ZNF700: variants seen among roughly 807,000 people sequenced by gnomAD.
ZNF700 encodes zinc finger protein 700.
In ZNF700, 38 loss-of-function variants were observed where a neutral mutation model predicts 65.3. That is an observed-to-expected ratio of 0.58 (90% confidence interval 0.45 to 0.76). The LOEUF (loss-of-function observed/expected upper bound fraction) is 0.76. Among genes scored for constraint, ZNF700 ranks in the 30% least tolerant of loss-of-function variants. The pLI is 0.00. For missense variants in ZNF700, 857 were observed against 888.4 expected (o/e 0.96, Z 0.45); for synonymous variants, 285 against 290.4 (o/e 0.98, Z 0.19).
chr19:11,944,977 C>G (rs2145296429), intron 1 of ZNF700, among the ~76,000 whole-genome samples: 1 of 152,362 alleles, frequency 6.6e-6, no homozygotes, highest in South Asian at 2.1e-4. Flanking sequence ...CTTCCATCAC[C>G]TGTCCTCCCT....
At chr19:11,939,656 C>T (rs1468060465) in intron 1 of ZNF700, among the ~76,000 whole-genome samples, 2 of 152,082 alleles carry the variant, frequency 1.3e-5, no homozygotes, top group African/African-American at 4.8e-5. Context: ...AGATGGAGTT[C>T]CACCACGTTG....
chr19:11,950,164 AATT>A lies in ZNF700; in HGVS notation c.2144_2146del (p.Tyr715del). ...ATGTAAGGAATGCGGAAAAGCATTCAATTATTTTTCTTCCTTGCATATACACGC... is the reference window on the plus strand; with the variant it reads ...ATGTAAGGAATGCGGAAAAGCATTCAATTTTTCTTCCTTGCATATACACGC... On this transcript the variant is annotated inframe_deletion, in exon 4 of 4. Coordinates refer to ENST00000254321, the MANE Select transcript of ZNF700 (RefSeq NM_144566.3). 1.9e-6 allele frequency: 3 copies of A among 1,613,944 alleles called. No individual in the cohort carries two copies. Among genetic ancestry groups the A allele is most frequent in the Non-Finnish European group, 2.5e-6 (3 of 1,179,966 alleles).
At chr19:11,932,157 A>G (rs1344295839) in intron 1 of ZNF700, among the ~76,000 whole-genome samples, 1 of 147,510 alleles carries the variant, frequency 6.8e-6, no homozygotes, top group East Asian at 1.9e-4. Context: ...AAATTAGTCC[A>G]GCCTGGGCAA....
Position 11,948,282 on chromosome 19 carries a change from CAT to C in ZNF700, c.260_261del (p.Ile87ArgfsTer6). ...QNPRRSFRSL[I>X]EEKVNEIKED... The stretch of plus-strand genomic sequence containing the variant: ...TGTTTCTCATGTTTTACAGGAGTCT[CAT>C]AGAAGAGAAAGTCAATGAAATTAAA... On this transcript the variant is annotated frameshift_variant, in exon 4 of 4. Transcript: ENST00000254321. LOFTEE classifies it high-confidence loss of function. The C allele has an allele frequency of 6.2e-7, 1 of 1,612,824 alleles. No individual in the cohort carries two copies. Among genetic ancestry groups the C allele is most frequent in the Non-Finnish European group, 8.5e-7 (1 of 1,179,660 alleles).
intron 1 of ZNF700, among the ~76,000 whole-genome samples, chr19:11,927,159 C>T (rs2145269561): frequency 6.6e-6 from 1 of 152,194 alleles, no homozygotes; most frequent in Admixed American, 6.5e-5. Context: ...TCGAGACCAG[C>T]CTGGGCAACA....
At chr19:11,932,723 C>T (rs929764888) in intron 1 of ZNF700, among the ~76,000 whole-genome samples, 2 of 145,530 alleles carry the variant, frequency 1.4e-5, no homozygotes, top group South Asian at 2.1e-4. Context: ...CTGCAAGCTC[C>T]GCCTCCCGGG....
rs1408267773 is a variant in ZNF700 at position 11,950,529 on chromosome 19, TATGA to T, written c.*280_*283del. The T allele has an allele frequency of 6.5e-6, 4 of 616,694 alleles. No individual in the cohort carries two copies. Among genetic ancestry groups the T allele is most frequent in the African/African-American group, 1.8e-5 (1 of 54,528 alleles). The allele number at this position is 616,694 out of a possible 1,614,324, so 38.2% of individuals were successfully genotyped here. On this transcript the variant is annotated 3_prime_UTR_variant, in exon 4 of 4. Coordinates refer to ENST00000254321, the MANE Select transcript of ZNF700 (RefSeq NM_144566.3). ...AAGGACTTACACTGGAGTGAAACCC[TATGA>T]ATGTAAGCAATGTGGGAAAGCCTTC...
rs1025384663 is a variant in ZNF700 at position 11,930,597 on chromosome 19, T to C, written c.63+5324T>C. ...GTATATGGAGATGACAGGTAGTGGA[T>C]TGATTATTCTCCTGTAGATAACCAT... On this transcript the variant is annotated intron_variant, in intron 1 of 3. Coordinates refer to ENST00000254321, the MANE Select transcript of ZNF700 (RefSeq NM_144566.3). 1.3e-5 allele frequency among the ~76,000 whole-genome samples: 2 copies of C among 148,744 alleles called. 1 individual carries two copies. The highest frequency in any genetic ancestry group is 5.2e-5 in the African/African-American group (2 of 38,302).
At chr19:11,925,397 T>C (rs927460618) in intron 1 of ZNF700, 124 bp downstream of exon 1, 28 of 1,459,008 alleles carry the variant, frequency 1.9e-5, no homozygotes, top group Non-Finnish European at 2.6e-5. Flanking sequence ...GAGTCCTCCT[T>C]GAGCAGTTCG....
chr19:11,934,424 T>C lies in ZNF700; in HGVS notation c.63+9151T>C, dbSNP rs58695559. ...CACATCGATAGTGAATGAGTGTTCATTGTCATTGGCATTAGGAAGTGTCAG... is the reference window on the plus strand; with the variant it reads ...CACATCGATAGTGAATGAGTGTTCACTGTCATTGGCATTAGGAAGTGTCAG... On this transcript the variant is annotated intron_variant, in intron 1 of 3. Transcript: ENST00000254321. Among the ~76,000 whole-genome samples, 483 of 148,598 alleles carry C rather than the reference T, an allele frequency of 3.3e-3. 16 individuals carry two copies. In the East Asian group the frequency reaches 0.049, roughly 15 times the overall value.
At position 11,948,603 on chromosome 19, in the gene ZNF700, C is replaced by G. The variant is rs182441378; in HGVS notation, c.579C>G (p.Pro193=). ...AAAGGGATCACACTGGAGAGAAACC[C>G]TATGCTTGTAAAGTCTGTGGAAAAA... is the stretch of plus-strand genomic sequence containing the variant. ...TQERDHTGEK[P]YACKVCGKTF... The change falls in exon 4 of 4, where the codon CCC becomes CCG. Residue 193 remains proline (P), a synonymous_variant. Coordinates refer to ENST00000254321, the MANE Select transcript of ZNF700 (RefSeq NM_144566.3). 1.2e-5 allele frequency: 20 copies of G among 1,609,900 alleles called. No homozygotes were observed. Among genetic ancestry groups the G allele is most frequent in the Non-Finnish European group, 1.7e-5 (20 of 1,179,196 alleles).
chr19:11,947,835 A>T (rs963126609), intron 3 of ZNF700, among the ~76,000 whole-genome samples: 1 of 152,182 alleles, frequency 6.6e-6, no homozygotes, highest in South Asian at 2.1e-4. Flanking sequence ...ACGAGACCAC[A>T]TATCAACAAC....
chr19:11,930,887 T>G (rs910537621), intron 1 of ZNF700, among the ~76,000 whole-genome samples: 1 of 147,410 alleles, frequency 6.8e-6, no homozygotes, highest in African/African-American at 2.7e-5. Context: ...TAATCCCAGC[T>G]ACTCGGGAGG....
chr19:11,927,386 A>G (rs897683997), intron 1 of ZNF700, among the ~76,000 whole-genome samples: 15 of 151,828 alleles, frequency 9.9e-5, no homozygotes, highest in Non-Finnish European at 1.8e-4. Flanking sequence ...AGAGGTCAAG[A>G]CCAACCTGGC....
At chr19:11,935,175 CAAA>C (rs570889462) in intron 1 of ZNF700, among the ~76,000 whole-genome samples, 1 of 44,378 alleles carries the variant, frequency 2.3e-5, no homozygotes, top group Admixed American at 2.6e-4. Flanking sequence ...GACTCCGTCT[CAAA>C]AAAAAAAAAA....
chr19:11,947,554 A>G lies in ZNF700; in HGVS notation c.231A>G (p.Gln77=). The change falls in exon 3 of 4, where the codon CAA becomes CAG. Residue 77 remains glutamine (Q), a synonymous_variant. Transcript: ENST00000254321. ...ACCAGAACATTGAATATGAGTACCA[A>G]AACCCCAGAAGAAGCTTCAGGTAAT... The part of the protein sequence containing the change: ...WSDQNIEYEY[Q]NPRRSFRSLI... 11 of 1,613,706 alleles carry G rather than the reference A, an allele frequency of 6.8e-6. No homozygotes were observed. Among genetic ancestry groups the G allele is most frequent in the Non-Finnish European group, 9.3e-6 (11 of 1,179,936 alleles).
chr19:11,925,645 C>T (rs765612049), intron 1 of ZNF700, among the ~76,000 whole-genome samples: 2 of 152,180 alleles, frequency 1.3e-5, no homozygotes, highest in African/African-American at 2.4e-5. Flanking sequence ...CTGTGGGGCC[C>T]CCAGTCCCCA....
chr19:11,935,897 C>T (rs1411894541), intron 1 of ZNF700, among the ~76,000 whole-genome samples: 1 of 152,190 alleles, frequency 6.6e-6, no homozygotes, highest in East Asian at 1.9e-4. Context: ...GTGATGTTCC[C>T]TGCCCTGTGT....
At chr19:11,927,768 G>A (rs1315368903) in intron 1 of ZNF700, among the ~76,000 whole-genome samples, 3 of 152,178 alleles carry the variant, frequency 2.0e-5, no homozygotes, top group Non-Finnish European at 2.9e-5. Context: ...TTGTGGGAGT[G>A]TAAGGATACT....
Sources: allele counts gnomAD v4.1 joint callset (sites outside exome capture counted in the v4.1 genomes callset), GRCh38; gene constraint gnomAD v4.1.1; transcripts MANE v1.5; gene names NCBI Gene and HGNC (gene_info 2026-07-23, HGNC 2026-07-21).